Variants in POTEF observed in about 807,000 individuals in gnomAD.
POTEF encodes the protein POTE ankyrin domain family member F, also known as ANKRD26-like family C member 1B.
POTEF carries 20 observed loss-of-function variants against 83.2 expected under a neutral mutation model. The ratio of observed to expected loss-of-function variants is 0.24; its 90% CI spans 0.17 to 0.35. POTEF has a LOEUF of 0.35. Ranked by LOEUF, POTEF falls within the 10% of genes least tolerant of loss-of-function variation. The probability of loss-of-function intolerance (pLI) is 1.00; values close to 1 mark genes in which losing one functional copy is unlikely to be tolerated. For missense variants in POTEF, 550 were observed against 1,203.2 expected (o/e 0.46, Z 8.03); for synonymous variants, 196 against 446.4 (o/e 0.44, Z 7.07).
At chr2:130,104,821 TATC>T (rs1170327469) in intron 8 of POTEF, among the ~76,000 whole-genome samples, 2 of 151,392 alleles carry the variant, frequency 1.3e-5, no homozygotes, top group Non-Finnish European at 2.9e-5. Context: ...CATGGACATT[TATC>T]ATCAACTTTC....
intron 7 of POTEF, among the ~76,000 whole-genome samples, chr2:130,108,442 G>A (rs549745579): frequency 3.3e-5 from 5 of 152,122 alleles, no homozygotes; most frequent in African/African-American, 1.2e-4. Flanking sequence ...AACAAAGTGA[G>A]GACTTTGCTG....
At chr2:130,109,950 TCGC>T (rs1162705542) in intron 7 of POTEF, among the ~76,000 whole-genome samples, 1 of 151,316 alleles carries the variant, frequency 6.6e-6, no homozygotes, top group East Asian at 1.9e-4. Flanking sequence ...ACTGTATGAA[TCGC>T]CATGAAGACT....
At chr2:130,094,939 G>C (rs2599828) in intron 11 of POTEF, among the ~76,000 whole-genome samples, 21 of 147,962 alleles carry the variant, frequency 1.4e-4, no homozygotes, top group East Asian at 8.0e-4. Flanking sequence ...TTAATATAAA[G>C]AATGTAGCTT....
At chr2:130,114,405 T>G (rs1318373815) in intron 5 of POTEF, among the ~76,000 whole-genome samples, 2 of 147,052 alleles carry the variant, frequency 1.4e-5, no homozygotes, top group African/African-American at 5.1e-5. Context: ...TTCTGGCTCA[T>G]GAGCAATCAG....
At chr2:130,123,084 CT>C (rs1685031189) in intron 2 of POTEF, among the ~76,000 whole-genome samples, 1 of 135,056 alleles carries the variant, frequency 7.4e-6, no homozygotes, top group African/African-American at 2.9e-5. Context: ...CTGATTGTTA[CT>C]TTTCAACTCG....
At chr2:130,104,662 C>T (rs1237188939) in intron 8 of POTEF, among the ~76,000 whole-genome samples, 1 of 151,556 alleles carries the variant, frequency 6.6e-6, no homozygotes, top group Non-Finnish European at 1.5e-5. Context: ...GCTCCTTGCT[C>T]GCTCTTTTCT....
At position 130,120,332 on chromosome 2, in the gene POTEF, C is replaced by A. The variant is rs764914704; in HGVS notation, c.184G>T (p.Gly62Cys). ...SAMKTLRSKMGKWCRHCFPCC... is the reference protein window; with the variant it reads ...SAMKTLRSKMCKWCRHCFPCC... ...GGGAAGCAGTGGCGGCACCACTTGCCCATCTTGCTCCTGAGTGTCTTCATA... is the reference window on the plus strand; with the variant it reads ...GGGAAGCAGTGGCGGCACCACTTGCACATCTTGCTCCTGAGTGTCTTCATA... Residue 62 changes from glycine (G) to cysteine (C), a missense_variant, in exon 3 of 17, where the codon GGC becomes TGC. Gly to Cys is a radical substitution (Grantham distance 159, BLOSUM62 -3). Coordinates refer to ENST00000409914, the MANE Select transcript of POTEF (RefSeq NM_001099771.2). 2.5e-6 allele frequency: 4 copies of A among 1,608,596 alleles called. No individual in the cohort carries two copies. Among genetic ancestry groups the A allele is most frequent in the Non-Finnish European group, 3.4e-6 (4 of 1,179,448 alleles).
Position 130,073,982 on chromosome 2 carries a change from C to G in POTEF, c.*262G>C. On this transcript the variant is annotated 3_prime_UTR_variant, in exon 17 of 17. Transcript: ENST00000409914. ...AGGGGCTTCCTGAAACAATGCGTCT[C>G]ACAATATTTGGAATGACTATTGAAA... 1.4e-6 allele frequency: 1 copy of G among 725,938 alleles called. No individual in the cohort carries two copies. The highest frequency in any genetic ancestry group is 1.8e-5 in the African/African-American group (1 of 56,180). 45.0% of individuals were successfully genotyped at this position (725,938 alleles called of 1,614,324 possible). A position where few individuals can be genotyped will look rare whatever the true frequency, so the allele number is the denominator to read the frequency against.
At chr2:130,113,530 G>A in intron 5 of POTEF, among the ~76,000 whole-genome samples, 1 of 30,836 alleles carries the variant, frequency 3.2e-5, no homozygotes, top group African/African-American at 1.1e-4. Context: ...TGTTGTCGTT[G>A]TTGTTGTTGT....
At chr2:130,128,717 C>T (rs1299003373) in intron 1 of POTEF, among the ~76,000 whole-genome samples, 10 of 151,780 alleles carry the variant, frequency 6.6e-5, no homozygotes, top group African/African-American at 1.7e-4. Context: ...AGTGCAGCAC[C>T]CGACAACACT....
At chr2:130,083,360 A>C (rs1683943181) in intron 15 of POTEF, among the ~76,000 whole-genome samples, 1 of 152,170 alleles carries the variant, frequency 6.6e-6, no homozygotes, top group Admixed American at 6.5e-5. Context: ...ATGAGAAAGA[A>C]GATTGAGGAC....
chr2:130,126,218 G>A (rs1350777665), intron 2 of POTEF, among the ~76,000 whole-genome samples: 3 of 132,386 alleles, frequency 2.3e-5, no homozygotes, highest in African/African-American at 8.8e-5. Context: ...CAGGAGACTT[G>A]CTTGAACCCA....
In POTEF at chr2:130,129,075, C is replaced by T. The variant is rs1470582219; in HGVS notation, c.-253G>A. Reference sequence around the variant, plus strand: ...AGTACATCCCCGGATAACTCACCTACACCAGGACATTTCTACCACTCTGGC... The same window carrying T: ...AGTACATCCCCGGATAACTCACCTATACCAGGACATTTCTACCACTCTGGC... On this transcript the variant is annotated 5_prime_UTR_variant, in exon 1 of 17. Coordinates refer to ENST00000409914, the MANE Select transcript of POTEF (RefSeq NM_001099771.2). 2 of 108,316 alleles carry T rather than the reference C, an allele frequency of 1.8e-5. No homozygotes were observed. Among genetic ancestry groups the T allele is most frequent in the East Asian group, 2.5e-4 (1 of 4,052 alleles). 6.7% of individuals were successfully genotyped at this position (108,316 alleles called of 1,614,324 possible).
At chr2:130,103,538 C>G (rs1412692910) in intron 8 of POTEF, among the ~76,000 whole-genome samples, 1 of 126,068 alleles carries the variant, frequency 7.9e-6, no homozygotes, top group Non-Finnish European at 1.7e-5. Context: ...ACCACCTGAA[C>G]TGTACATTAT....
rs2672201 is a variant in POTEF at position 130,092,467 on chromosome 2, T to C, written c.1480+971A>G. 3.5e-3 allele frequency among the ~76,000 whole-genome samples: 493 copies of C among 142,508 alleles called. 10 individuals are homozygous for C. Among genetic ancestry groups the C allele is most frequent in the African/African-American group, 0.013 (449 of 35,894 alleles). The allele number at this position is 142,508 out of a possible 152,430, so 93.5% of individuals were successfully genotyped here. A position where few individuals can be genotyped will look rare whatever the true frequency, so the allele number is the denominator to read the frequency against. ...AGAAGCTCTTTGATAAATAGGTAGC[T>C]AAATTAAAGGTGTCCTCATACAGTT... On this transcript the variant is annotated intron_variant, in intron 12 of 16. Transcript: ENST00000409914.
At position 130,111,945 on chromosome 2, in the gene POTEF, G is replaced by A. The variant is rs758470798; in HGVS notation, c.917+50C>T. On this transcript the variant is annotated intron_variant, in intron 6 of 16. Coordinates refer to ENST00000409914, the MANE Select transcript of POTEF (RefSeq NM_001099771.2). ...CTTATTAATTTAATATTTATGACTT[G>A]AGTGACTGCTGTCCATCTACAACAC... is the stretch of plus-strand genomic sequence containing the variant. The A allele has an allele frequency of 3.8e-5, 59 of 1,549,340 alleles. No homozygotes were observed. The South Asian group carries it at 5.6e-4, about 15-fold the overall frequency.
At chr2:130,076,010 C>T (rs1417222539) in intron 16 of POTEF, among the ~76,000 whole-genome samples, 1 of 131,710 alleles carries the variant, frequency 7.6e-6, no homozygotes, top group Non-Finnish European at 1.6e-5. Flanking sequence ...TCCTAAGAGC[C>T]TTAGCTATGC....
intron 3 of POTEF, among the ~76,000 whole-genome samples, chr2:130,117,614 C>T (rs1465726971): frequency 6.6e-6 from 1 of 151,918 alleles, no homozygotes; most frequent in Non-Finnish European, 1.5e-5. Context: ...GTCGACATAT[C>T]TCTGTATCTA....
intron 15 of POTEF, among the ~76,000 whole-genome samples, chr2:130,085,273 ATGGAGC>A (rs1299023959): frequency 7.3e-6 from 1 of 137,126 alleles, no homozygotes; most frequent in African/African-American, 2.9e-5. Flanking sequence ...AGCAACACGG[ATGGAGC>A]TGGAGGCCAT....
Sources: gnomAD v4.1 joint callset for allele counts (sites outside exome capture counted in the v4.1 genomes callset) on GRCh38, gnomAD v4.1.1 for gene constraint, MANE v1.5 for transcripts, NCBI Gene and HGNC (gene_info 2026-07-23, HGNC 2026-07-21) for gene names.